NPC1: variants seen among roughly 807,000 people sequenced by gnomAD.
The protein encoded by NPC1 is NPC intracellular cholesterol transporter 1.
In NPC1, 85 loss-of-function variants were observed where a neutral mutation model predicts 140.4. The ratio of observed to expected loss-of-function variants is 0.61; its 90% CI spans 0.51 to 0.72. NPC1 has a LOEUF of 0.72. NPC1 is among the 30% of genes least tolerant of loss of function. NPC1 has a pLI of 0.00. For synonymous variants in NPC1, 656 were observed against 624.8 expected (o/e 1.05, Z -0.74); for missense variants, 1,504 against 1,623.8 (o/e 0.93, Z 1.27).
At position 23,531,775 on chromosome 18, in the gene NPC1, C is replaced by T. The variant is rs1027977124; in HGVS notation, c.*427G>A. 58 of 1,569,298 alleles carry T rather than the reference C, an allele frequency of 3.7e-5. No homozygotes were observed. Among genetic ancestry groups the T allele is most frequent in the Non-Finnish European group, 4.8e-5 (56 of 1,164,268 alleles). ...TATTGCATTAATAAAGCTCTTTAAA[C>T]TATAAAATGTTATAAAGTGTATCTA... On this transcript the variant is annotated 3_prime_UTR_variant, in exon 25 of 25. Coordinates refer to ENST00000269228, the MANE Select transcript of NPC1 (RefSeq NM_000271.5).
intron 18 of NPC1, 44 bp downstream of exon 18, chr18:23,539,767 G>T (rs747796514): frequency 1.8e-5 from 28 of 1,594,284 alleles, no homozygotes; most frequent in Non-Finnish European, 2.2e-5. Context: ...CTGGCTGAGA[G>T]CCTCCTCCGC....
chr18:23,573,535 T>A lies in NPC1; in HGVS notation c.97A>T (p.Ile33Phe), dbSNP rs1244447626. ...TTGTACCTCTTGTCCCCATATGCAA[T>A]TCCACACTCTCCATACCAAACACAG... is the stretch of plus-strand genomic sequence containing the variant. ...QSCVWYGECGIAYGDKRYNCE... is the reference protein window; with the variant it reads ...QSCVWYGECGFAYGDKRYNCE... The change falls in exon 2 of 25, where the codon ATT becomes TTT. Residue 33 changes from isoleucine (I) to phenylalanine (F), a missense_variant. Transcript: ENST00000269228. The A allele has an allele frequency of 9.3e-6, 15 of 1,614,060 alleles. No homozygotes were observed. The highest frequency in any genetic ancestry group is 1.3e-5 in the Non-Finnish European group (15 of 1,180,042).
At chr18:23,535,834 C>A in intron 21 of NPC1, 134 bp from the exon 22 acceptor site, 2 of 715,896 alleles carry the variant, frequency 2.8e-6, no homozygotes, top group Non-Finnish European at 5.0e-6. Flanking sequence ...TGGCTGTCTA[C>A]AAGACTCACC....
At chr18:23,568,239 G>C (rs2059154131) in intron 4 of NPC1, among the ~76,000 whole-genome samples, 2 of 152,094 alleles carry the variant, frequency 1.3e-5, no homozygotes, top group Admixed American at 1.3e-4. Flanking sequence ...CATTCAGTCA[G>C]GTTGCCTTGT....
chr18:23,523,656 G>A (rs1370164159), intron 1 of NPC1, among the ~76,000 whole-genome samples: 4 of 151,256 alleles, frequency 2.6e-5, no homozygotes, highest in Admixed American at 6.6e-5. Context: ...CAAGGAGTTC[G>A]TGGTTATAGT....
chr18:23,535,772 A>G, intron 21 of NPC1, 72 bp from the exon 22 acceptor site: 1 of 1,003,580 alleles, frequency 1.0e-6, no homozygotes, highest in Admixed American at 1.8e-5. Flanking sequence ...TCCTGTCACC[A>G]CTGCCAAGTG....
chr18:23,579,000 A>C (rs906977205), intron 1 of NPC1, among the ~76,000 whole-genome samples: 2 of 151,088 alleles, frequency 1.3e-5, no homozygotes, highest in African/African-American at 4.9e-5. Context: ...GTGCTCAGAA[A>C]CCTCCAACCC....
downstream of NPC1, chr18:23,519,096 A>G (rs1281447734): frequency 6.2e-7 from 1 of 1,614,198 alleles, no homozygotes. Context: ...AGATGCACAT[A>G]TTGAAGTTAA....
intron 1 of NPC1, among the ~76,000 whole-genome samples, chr18:23,575,001 C>G (rs1195015130): frequency 6.6e-6 from 1 of 152,244 alleles, no homozygotes; most frequent in Non-Finnish European, 1.5e-5. Flanking sequence ...AAGCTGACTA[C>G]AGAGGCAGAG....
downstream of NPC1, chr18:23,524,384 TTTG>T: frequency 6.2e-7 from 1 of 1,608,450 alleles, no homozygotes; most frequent in Non-Finnish European, 8.5e-7. Context: ...GGGTTTGCTT[TTTG>T]TTTTCATCTT....
At chr18:23,551,769 T>A in intron 9 of NPC1, 42 bp from the exon 10 acceptor site, 1 of 1,312,518 alleles carries the variant, frequency 7.6e-7, no homozygotes, top group Non-Finnish European at 1.1e-6. Flanking sequence ...TAGAAGGGCC[T>A]CAAGACATCA....
rs1191595283 is a variant in NPC1 at position 23,541,346 on chromosome 18, C to T, written c.2333G>A (p.Cys778Tyr). 2 of 1,614,188 alleles carry T rather than the reference C, an allele frequency of 1.2e-6. No homozygotes were observed. The highest frequency in any genetic ancestry group is 2.2e-5 in the South Asian group (2 of 91,090). Reference protein sequence around the residue: ...VFIDFLLQITCFVSLLGLDIK... With the variant: ...VFIDFLLQITYFVSLLGLDIK... Reference sequence around the variant, plus strand: ...GTCTAACCCCAAGAGACTCACGAAACAGGTAATCTGCAGAAGAAAGTCAAT... The same window carrying T: ...GTCTAACCCCAAGAGACTCACGAAATAGGTAATCTGCAGAAGAAAGTCAAT... The change falls in exon 15 of 25, where the codon TGT (cysteine) becomes TAT (tyrosine). Residue 778 changes from cysteine to tyrosine, a missense_variant. Physicochemically the swap from Cys to Tyr is radical, Grantham distance 194. Transcript: ENST00000269228.
chr18:23,560,336 G>C lies in NPC1; in HGVS notation c.776C>G (p.Pro259Arg). Residue 259 changes from proline to arginine, a missense_variant, in exon 6 of 25, where the codon CCC becomes CGC. Physicochemically the swap from Pro to Arg is moderately radical, Grantham distance 103. Coordinates refer to ENST00000269228, the MANE Select transcript of NPC1 (RefSeq NM_000271.5). ...GGCGTCCAAGCCAAGGATCGTCCAG[G>C]GAGCAGGAGGAGGTGGGGGCTGGGG... ...PKPQPPPPPA[P>R]WTILGLDAMY... The C allele has an allele frequency of 6.2e-7, 1 of 1,614,244 alleles. No individual in the cohort carries two copies. The highest frequency in any genetic ancestry group is 8.5e-7 in the Non-Finnish European group (1 of 1,180,042).
intron 11 of NPC1, among the ~76,000 whole-genome samples, chr18:23,547,635 A>G (rs1360326382): frequency 6.6e-6 from 1 of 152,048 alleles, no homozygotes; most frequent in Non-Finnish European, 1.5e-5. Context: ...TCAGCTACTC[A>G]GGAGGCTGAG....
chr18:23,548,339 C>CTT lies in NPC1; in HGVS notation c.1655-233_1655-232dup, dbSNP rs34182768. 0.054 allele frequency among the ~76,000 whole-genome samples: 7,329 copies of CTT among 136,116 alleles called. 572 individuals carry two copies. The highest frequency in any genetic ancestry group is 0.18 in the African/African-American group (6,626 of 37,800). The allele number at this position is 136,116 out of a possible 152,430, so 89.3% of individuals were successfully genotyped here. A position where few individuals can be genotyped will look rare whatever the true frequency, so the allele number is the denominator to read the frequency against. ...TGGTTATCATTCAGGAAGAGTAACT[C>CTT]TTTTTTTTTTTTTTTTTAAAGGATA... On this transcript the variant is annotated intron_variant, in intron 10 of 24. Coordinates refer to ENST00000269228, the MANE Select transcript of NPC1 (RefSeq NM_000271.5).
At chr18:23,573,714 T>A (rs1463022600) in intron 1 of NPC1, 140 bp from the exon 2 acceptor site, 1 of 939,132 alleles carries the variant, frequency 1.1e-6, no homozygotes. Context: ...ACTTAACATT[T>A]TGAAAAATAT....
rs762679098 is a variant in NPC1 at position 23,554,873 on chromosome 18, T to C, written c.1438A>G (p.Thr480Ala). 10 of 1,614,118 alleles carry C rather than the reference T, an allele frequency of 6.2e-6. No homozygotes were observed. Among genetic ancestry groups the C allele is most frequent in the Non-Finnish European group, 8.5e-6 (10 of 1,179,982 alleles). ...AAGTAATTTAACACACTCAAAATGG[T>C]GCAGTTCGTGTTATACGGTGAAAGA... ...APLSPYNTNCTILSVLNYFQN... is the reference protein window; with the variant it reads ...APLSPYNTNCAILSVLNYFQN... The change falls in exon 9 of 25, where the codon ACC (threonine) becomes GCC (alanine). Residue 480 changes from threonine to alanine, a missense_variant. Transcript: ENST00000269228.
chr18:23,507,933 C>A, intron 3 of NPC1: 2 of 1,552,556 alleles, frequency 1.3e-6, no homozygotes, highest in Non-Finnish European at 8.8e-7. Flanking sequence ...CGTAGGTTGG[C>A]AGTATGCTGC....
intron 3 of NPC1, chr18:23,507,065 T>C (rs1384051691): frequency 1.3e-6 from 2 of 1,554,642 alleles, no homozygotes; most frequent in East Asian, 4.5e-5. Flanking sequence ...GTAAGACTTA[T>C]CTTTAAAATA....
Sources: gnomAD v4.1 joint callset for allele counts (sites outside exome capture counted in the v4.1 genomes callset) on GRCh38, gnomAD v4.1.1 for gene constraint, MANE v1.5 for transcripts, NCBI Gene and HGNC (gene_info 2026-07-23, HGNC 2026-07-21) for gene names.